TMEM74: variants seen among roughly 807,000 people sequenced by gnomAD.
The protein encoded by TMEM74 is transmembrane protein 74.
Under a neutral mutation model 18.1 loss-of-function variants are expected in TMEM74, and 13 were observed. The observed-to-expected ratio is 0.72, with a 90% CI of 0.47 to 1.14. TMEM74 has a LOEUF of 1.14. Ranked by LOEUF, TMEM74 falls within the 50% of genes most tolerant of loss-of-function variation. TMEM74 has a pLI of 0.00. For synonymous variants in TMEM74, 159 were observed against 146.6 expected, an observed-to-expected ratio of 1.08 and a Z score of -0.61; for missense variants, 372 against 375.9, an observed-to-expected ratio of 0.99 and a Z score of 0.09.
chr8:108,711,717 C>G (rs1172294653), intron 1 of TMEM74, among the ~76,000 whole-genome samples: 1 of 152,156 alleles, frequency 6.6e-6, no homozygotes, highest in Non-Finnish European at 1.5e-5. Context: ...TGTGCTCAGT[C>G]ACTGCCTGGC....
chr8:108,630,014 G>T (rs1423077981), intron 2 of TMEM74, among the ~76,000 whole-genome samples: 3 of 152,046 alleles, frequency 2.0e-5, no homozygotes. Context: ...TGGGCTAAAT[G>T]CTCCAATCAA....
intron 2 of TMEM74, among the ~76,000 whole-genome samples, chr8:108,616,180 G>A (rs1033966273): frequency 2.6e-4 from 40 of 152,266 alleles, no homozygotes; most frequent in East Asian, 1.9e-4. Context: ...GCAGAGGGCC[G>A]TGCTCTGGCA....
chr8:108,743,290 C>T (rs1302676676), intron 1 of TMEM74, among the ~76,000 whole-genome samples: 1 of 152,232 alleles, frequency 6.6e-6, no homozygotes, highest in East Asian at 1.9e-4. Flanking sequence ...TAAGAAAGTA[C>T]ACTGACAATA....
intron 1 of TMEM74, among the ~76,000 whole-genome samples, chr8:108,657,814 G>T (rs1220155710): frequency 1.6e-5 from 2 of 124,286 alleles, no homozygotes; most frequent in Non-Finnish European, 1.6e-5. Flanking sequence ...CTGCACTGTA[G>T]CCTGGGTGAC....
chr8:108,723,314 A>G (rs1813603931), intron 1 of TMEM74, among the ~76,000 whole-genome samples: 1 of 152,328 alleles, frequency 6.6e-6, no homozygotes, highest in Admixed American at 6.5e-5. Flanking sequence ...AATAATTTCA[A>G]TTATTTCACA....
intron 1 of TMEM74, among the ~76,000 whole-genome samples, chr8:108,697,675 A>T (rs1218852219): frequency 6.6e-6 from 1 of 152,100 alleles, no homozygotes; most frequent in Non-Finnish European, 1.5e-5. Flanking sequence ...AAACGCTGGG[A>T]TTGCAGACAT....
intron 1 of TMEM74, among the ~76,000 whole-genome samples, chr8:108,672,683 G>T (rs757284939): frequency 6.6e-6 from 1 of 152,138 alleles, no homozygotes; most frequent in Admixed American, 6.6e-5. Context: ...TCAAGTCAAA[G>T]GATTAAAATA....
chr8:108,719,993 A>G (rs1191556737), intron 1 of TMEM74, among the ~76,000 whole-genome samples: 1 of 152,060 alleles, frequency 6.6e-6, no homozygotes, highest in Non-Finnish European at 1.5e-5. Context: ...GAGTTTCTAC[A>G]TTTTTCTTTA....
chr8:108,608,230 A>T (rs1165771056), intron 3 of TMEM74, among the ~76,000 whole-genome samples: 1 of 150,414 alleles, frequency 6.6e-6, no homozygotes, highest in African/African-American at 2.5e-5. Context: ...TGAACCTGGG[A>T]GACGGAGGCA....
At chr8:108,741,125 A>T (rs1487488492) in intron 1 of TMEM74, among the ~76,000 whole-genome samples, 2 of 152,204 alleles carry the variant, frequency 1.3e-5, no homozygotes, top group African/African-American at 4.8e-5. Flanking sequence ...AATACAAAAA[A>T]GCAAAATTAT....
intron 2 of TMEM74, among the ~76,000 whole-genome samples, chr8:108,649,432 TATTTA>T (rs1812751308): frequency 3.3e-5 from 5 of 152,134 alleles, no homozygotes; most frequent in Admixed American, 3.3e-4. Flanking sequence ...CAATAACTCT[TATTTA>T]TTGTTTGTGA....
intron 1 of TMEM74, among the ~76,000 whole-genome samples, chr8:108,762,678 T>C (rs941088839): frequency 1.3e-5 from 2 of 152,142 alleles, no homozygotes; most frequent in Admixed American, 6.6e-5. Context: ...CTTGTACCTA[T>C]CATTAATTCG....
intron 2 of TMEM74, among the ~76,000 whole-genome samples, chr8:108,643,028 C>G (rs1290905359): frequency 1.3e-5 from 2 of 152,208 alleles, no homozygotes; most frequent in Admixed American, 6.5e-5. Context: ...CAATATTAAG[C>G]AATGGGAATA....
intron 2 of TMEM74, among the ~76,000 whole-genome samples, chr8:108,621,963 T>C (rs941732710): frequency 3.3e-5 from 5 of 152,126 alleles, no homozygotes; most frequent in African/African-American, 7.2e-5. Flanking sequence ...AAAATTTACA[T>C]ATGTAGAAAA....
chr8:108,653,413 C>T (rs1812793019), intron 2 of TMEM74: 1 of 152,278 alleles, frequency 6.6e-6, no homozygotes, highest in South Asian at 2.1e-4. Context: ...CTTTACTTGA[C>T]ATCTTCTTGG....
chr8:108,692,389 G>T (rs1813240285), intron 1 of TMEM74, among the ~76,000 whole-genome samples: 1 of 152,186 alleles, frequency 6.6e-6, no homozygotes, highest in Admixed American at 6.5e-5. Flanking sequence ...GGTGTCACAT[G>T]TGAGTGGTTA....
intron 1 of TMEM74, among the ~76,000 whole-genome samples, chr8:108,726,390 C>T (rs919570360): frequency 1.3e-4 from 20 of 152,242 alleles, no homozygotes; most frequent in African/African-American, 4.1e-4. Context: ...GCACTAACAA[C>T]GCCCTACAAG....
chr8:108,719,933 CTATT>C (rs1397538908), intron 1 of TMEM74, among the ~76,000 whole-genome samples: 2 of 152,056 alleles, frequency 1.3e-5, no homozygotes, highest in African/African-American at 4.8e-5. Flanking sequence ...ACTGAAAAGG[CTATT>C]TAAAGTATAT....
chr8:108,608,654 A>C (rs571188940), intron 3 of TMEM74: 1 of 152,310 alleles, frequency 6.6e-6, no homozygotes, highest in African/African-American at 2.4e-5. Flanking sequence ...CCTTGAGGAA[A>C]CTTGTCCCTT....
Sources: gnomAD v4.1 joint callset for allele counts (sites outside exome capture counted in the v4.1 genomes callset) on GRCh38, gnomAD v4.1.1 for gene constraint, MANE v1.5 for transcripts, NCBI Gene and HGNC (gene_info 2026-07-23, HGNC 2026-07-21) for gene names.